AUTS2: variants seen among roughly 807,000 people sequenced by gnomAD.
AUTS2 encodes the protein autism susceptibility gene 2 protein.
Under a neutral mutation model 112.4 loss-of-function variants are expected in AUTS2, and 17 were observed. The observed-to-expected ratio is 0.15, with a 90% CI of 0.10 to 0.23. The LOEUF is 0.23. AUTS2 is among the 10% of genes least tolerant of loss of function. The probability of loss-of-function intolerance (pLI) is 1.00; values close to 1 mark genes in which losing one functional copy is unlikely to be tolerated. For synonymous variants in AUTS2, 751 were observed against 702.7 expected, an observed-to-expected ratio of 1.07 and a Z score of -1.09; for missense variants, 1,510 against 1,701.6, an observed-to-expected ratio of 0.89 and a Z score of 1.98.
At chr7:70,226,198 G>GT (rs1328025537) in intron 4 of AUTS2, among the ~76,000 whole-genome samples, 2 of 151,508 alleles carry the variant, frequency 1.3e-5, no homozygotes, top group African/African-American at 2.4e-5. Flanking sequence ...CCCACTTTTT[G>GT]TTTTTTTGAG....
intron 5 of AUTS2, among the ~76,000 whole-genome samples, chr7:70,503,508 C>A (rs1798844576): frequency 6.9e-6 from 1 of 145,010 alleles, no homozygotes; most frequent in South Asian, 2.2e-4. Context: ...GAGCAAGACT[C>A]CCGTCTCATT....
At position 70,315,689 on chromosome 7, in the gene AUTS2, G is replaced by T. The variant is rs376282367; in HGVS notation, c.661-120063G>T. Among the ~76,000 whole-genome samples the T allele has an allele frequency of 1.0e-3, 154 of 152,248 alleles. 3 individuals are homozygous for T. The South Asian group carries it at 0.031, about 31-fold the overall frequency. Reference sequence around the variant, plus strand: ...AACTTGGCTTGATAGTCTCTCTCAAGTAGGAAGCACAGATGTCCATTTGAC... The same window carrying T: ...AACTTGGCTTGATAGTCTCTCTCAATTAGGAAGCACAGATGTCCATTTGAC... On this transcript the variant is annotated intron_variant, in intron 4 of 18. Transcript: ENST00000342771.
chr7:70,717,145 C>T lies in AUTS2; in HGVS notation c.742+18525C>T, dbSNP rs377383855. On this transcript the variant is annotated intron_variant, in intron 6 of 18. Coordinates refer to ENST00000342771, the MANE Select transcript of AUTS2 (RefSeq NM_015570.4). ...CTCCTGGGCTCAAGTGATCCTCCTG[C>T]CCCAGCCTTGCGAGTAGCTAAGACT... Among the ~76,000 whole-genome samples the T allele has an allele frequency of 1.1e-3, 173 of 151,924 alleles. 4 individuals are homozygous for T. Among genetic ancestry groups the T allele is most frequent in the South Asian group, 8.3e-3 (40 of 4,804 alleles).
At chr7:69,959,456 G>GTAA (rs1797345932) in intron 2 of AUTS2, among the ~76,000 whole-genome samples, 1 of 152,064 alleles carries the variant, frequency 6.6e-6, no homozygotes, top group Admixed American at 6.5e-5. Flanking sequence ...CAATATCTAT[G>GTAA]TATATCAAAA....
At chr7:70,030,868 G>C (rs1172948731) in intron 2 of AUTS2, among the ~76,000 whole-genome samples, 1 of 152,082 alleles carries the variant, frequency 6.6e-6, no homozygotes, top group Admixed American at 6.6e-5. Flanking sequence ...GTCATATCCT[G>C]TAGAACGGGA....
Position 70,766,508 on chromosome 7 carries a change from A to G in AUTS2, c.1689+174A>G, listed in dbSNP as rs1563183768. Among the ~76,000 whole-genome samples the G allele has an allele frequency of 6.6e-6, 1 of 152,206 alleles. No individual in the cohort carries two copies. The highest frequency in any genetic ancestry group is 2.4e-5 in the African/African-American group (1 of 41,446). ...CCCTGCCTCAGGCAGCTCTGACTTCAGGGGCCTAAAGTAGGAACTTCTTTC... is the reference window on the plus strand; with the variant it reads ...CCCTGCCTCAGGCAGCTCTGACTTCGGGGGCCTAAAGTAGGAACTTCTTTC... On this transcript the variant is annotated intron_variant, in intron 9 of 18. Transcript: ENST00000342771. This position sits in a 1 kb window ranked among gnomAD's most constrained non-coding sequence, Gnocchi z 4.8.
At chr7:70,318,732 T>A (rs556783471) in intron 4 of AUTS2, among the ~76,000 whole-genome samples, 1 of 152,266 alleles carries the variant, frequency 6.6e-6, no homozygotes, top group East Asian at 1.9e-4. Flanking sequence ...AGAGGAGGGT[T>A]CCAAGAATTT....
At chr7:69,868,189 T>C (rs902406544) in intron 1 of AUTS2, among the ~76,000 whole-genome samples, 1 of 152,164 alleles carries the variant, frequency 6.6e-6, no homozygotes. Flanking sequence ...GTTAGCTACC[T>C]AATGAAAAGC....
intron 2 of AUTS2, among the ~76,000 whole-genome samples, chr7:69,955,444 G>A (rs2129546395): frequency 6.6e-6 from 1 of 152,240 alleles, no homozygotes; most frequent in South Asian, 2.1e-4. Flanking sequence ...TCTCAGTAGG[G>A]AAGGCACCAG....
At chr7:70,193,377 A>G (rs1385563789) in intron 4 of AUTS2, among the ~76,000 whole-genome samples, 2 of 152,202 alleles carry the variant, frequency 1.3e-5, no homozygotes, top group African/African-American at 4.8e-5. Flanking sequence ...TAAAACAGGA[A>G]TACTGCTAGA....
At chr7:70,606,561 T>C (rs1585367950) in intron 5 of AUTS2, among the ~76,000 whole-genome samples, 1 of 152,104 alleles carries the variant, frequency 6.6e-6, no homozygotes, top group East Asian at 1.9e-4. Context: ...CTTCAATTAC[T>C]GTAATAGTGT....
intron 4 of AUTS2, among the ~76,000 whole-genome samples, chr7:70,249,438 A>G (rs920881983): frequency 3.9e-5 from 6 of 152,152 alleles, no homozygotes; most frequent in Admixed American, 2.0e-4. Flanking sequence ...AGTGCGCATT[A>G]GAATAAATGG....
At chr7:70,724,570 C>T (rs920811514) in intron 6 of AUTS2, among the ~76,000 whole-genome samples, 7 of 151,666 alleles carry the variant, frequency 4.6e-5, no homozygotes, top group African/African-American at 1.7e-4. Context: ...CTCAGCCTCC[C>T]GAGTAGCTGT....
At chr7:69,839,514 C>A (rs1011015217) in intron 1 of AUTS2, among the ~76,000 whole-genome samples, 15 of 152,140 alleles carry the variant, frequency 9.9e-5, no homozygotes, top group Non-Finnish European at 1.5e-4. Context: ...CTTATTTTAT[C>A]TCTCCAAGTA....
chr7:70,702,554 CG>C (rs1809515677), intron 6 of AUTS2, among the ~76,000 whole-genome samples: 1 of 152,306 alleles, frequency 6.6e-6, no homozygotes, highest in African/African-American at 2.4e-5. Flanking sequence ...AGTGAGCCAT[CG>C]GGGAGCTGTG....
chr7:70,400,840 T>A (rs1217897368), intron 4 of AUTS2, among the ~76,000 whole-genome samples: 1 of 151,942 alleles, frequency 6.6e-6, no homozygotes, highest in African/African-American at 2.4e-5. Flanking sequence ...AATCTATAGG[T>A]TTGGGTCAAG....
chr7:70,132,363 G>T (rs978083357), intron 3 of AUTS2, among the ~76,000 whole-genome samples: 13 of 152,018 alleles, frequency 8.6e-5, no homozygotes, highest in African/African-American at 3.1e-4. Context: ...GAGTTATAAG[G>T]CAGGGTGCTT....
At chr7:69,792,461 G>A (rs1467300461) in intron 1 of AUTS2, among the ~76,000 whole-genome samples, 3 of 151,914 alleles carry the variant, frequency 2.0e-5, no homozygotes, top group Admixed American at 1.3e-4. Flanking sequence ...GGATGGTCTC[G>A]ATCTCCTGAC....
intron 4 of AUTS2, among the ~76,000 whole-genome samples, chr7:70,374,877 C>T (rs892624614): frequency 4.6e-5 from 7 of 152,268 alleles, no homozygotes; most frequent in Non-Finnish European, 8.8e-5. Flanking sequence ...GTAGATGAGG[C>T]AAGAACTCCC....
Sources: gnomAD v4.1 joint callset for allele counts (sites outside exome capture counted in the v4.1 genomes callset) on GRCh38, gnomAD v4.1.1 for gene constraint, Gnocchi (gnomAD v3.1) non-coding constraint, MANE v1.5 for transcripts, NCBI Gene and HGNC (gene_info 2026-07-23, HGNC 2026-07-21) for gene names.